MAP7D3: variants seen among roughly 807,000 people sequenced by gnomAD.
MAP7D3 encodes the protein MAP7 domain-containing protein 3.
MAP7D3 carries 45 observed loss-of-function variants against 62.2 expected under a neutral mutation model. The ratio of observed to expected loss-of-function variants is 0.72; its 90% confidence interval spans 0.57 to 0.93. MAP7D3 has a LOEUF of 0.93. MAP7D3 is among the 40% of genes least tolerant of loss of function. MAP7D3 has a pLI of 0.00. For missense variants in MAP7D3, 711 were observed against 683.1 expected, an observed-to-expected ratio of 1.04 and a Z score of -0.45; for synonymous variants, 288 against 248.8, an observed-to-expected ratio of 1.16 and a Z score of -1.48.
chrX:136,246,095 G>A lies in MAP7D3; in HGVS notation c.223C>T (p.Arg75Cys), dbSNP rs750357677. ...TGCTGTCTCCTTTTCTCCTCTCTGC[G>A]CTCTCTTGCTAATCTTTGTTTTATG... ...NDIKQRLARE[R>C]REEKRRQQDA... Residue 75 changes from arginine to cysteine, a missense_variant, in exon 3 of 19, where the codon CGC becomes TGC. Coordinates refer to ENST00000316077, the MANE Select transcript of MAP7D3 (RefSeq NM_024597.4). The A allele has an allele frequency of 7.5e-6, 9 of 1,201,153 alleles. No individual in the cohort carries two copies. The highest frequency in any genetic ancestry group is 5.9e-5 in the East Asian group (2 of 33,752).
In MAP7D3 at chrX:136,240,450, T is replaced by C. The variant is rs779952877; in HGVS notation, c.572A>G (p.Gln191Arg). Residue 191 changes from glutamine to arginine, a missense_variant, in exon 6 of 19, where the codon CAG becomes CGG. Gln to Arg is a conservative substitution (Grantham distance 43). Coordinates refer to ENST00000316077, the MANE Select transcript of MAP7D3 (RefSeq NM_024597.4). ...KRSASTEKLEQGTSALIRQMP... is the reference protein window; with the variant it reads ...KRSASTEKLERGTSALIRQMP... ...TTGTCTGATTAAAGCAGAAGTACCC[T>C]GTTCAAGTTTTTCAGTAGATGCAGA... The C allele has an allele frequency of 8.3e-7, 1 of 1,202,224 alleles. No individual in the cohort carries two copies. Among genetic ancestry groups the C allele is most frequent in the Non-Finnish European group, 1.1e-6 (1 of 886,964 alleles).
chrX:136,251,182 G>T (rs889739054), intron 1 of MAP7D3, 107 bp downstream of exon 1: 2 of 677,821 alleles, frequency 3.0e-6, no homozygotes, highest in Non-Finnish European at 4.2e-6. Flanking sequence ...CGACTCCAGG[G>T]AAAAGTTTTG....
chrX:136,242,996 G>A (rs953416972), intron 4 of MAP7D3, among the ~76,000 whole-genome samples: 2 of 111,458 alleles, frequency 1.8e-5, no homozygotes, highest in African/African-American at 6.5e-5. Context: ...CAGAAAGGGA[G>A]AGATATAGTA....
chrX:136,255,124 G>C (rs1376316037), upstream of MAP7D3, among the ~76,000 whole-genome samples: 1 of 112,323 alleles, frequency 8.9e-6, no homozygotes, highest in Non-Finnish European at 1.9e-5. Context: ...GCGGAGGCAG[G>C]AGGATCACTT....
In MAP7D3 at chrX:136,251,154, G is replaced by A. The variant is rs2074504089; in HGVS notation, c.70+135C>T. On this transcript the variant is annotated intron_variant, in intron 1 of 18. Coordinates refer to ENST00000316077, the MANE Select transcript of MAP7D3 (RefSeq NM_024597.4). ...GGGCACTCCGGCGGGGGTGAGGGGA[G>A]GACCAGATAGCACGAGGCGACTCCA... 5 of 479,385 alleles carry A rather than the reference G, an allele frequency of 1.0e-5. No individual in the cohort carries two copies. The East Asian group carries it at 1.9e-4, about 18-fold the overall frequency. The allele number at this position is 479,385 out of a possible 1,213,427, so 39.5% of individuals were successfully genotyped here. A position where few individuals can be genotyped will look rare whatever the true frequency, so the allele number is the denominator to read the frequency against.
Position 136,231,730 on chromosome X carries a change from G to A in MAP7D3, c.1227C>T (p.Ala409=). 1 of 1,209,628 alleles carries A rather than the reference G, an allele frequency of 8.3e-7. No homozygotes were observed. Among genetic ancestry groups the A allele is most frequent in the Non-Finnish European group, 1.1e-6 (1 of 894,457 alleles). ...GAGGTGCTTCCAGGCTCCCCTCTGG[G>A]GCTGCTTCCACGCTCACCTCTGGCA... The part of the protein sequence containing the change: ...EALPEVSVEA[A]PEGSLEAPPK... Residue 409 remains alanine (A), a synonymous_variant, in exon 8 of 19, where the codon GCC becomes GCT. Transcript: ENST00000316077.
upstream of MAP7D3, among the ~76,000 whole-genome samples, chrX:136,255,242 A>G: frequency 8.9e-6 from 1 of 112,477 alleles, no homozygotes; most frequent in Non-Finnish European, 1.9e-5. Flanking sequence ...AAAAAAAGCA[A>G]ATAAAAAAAG....
chrX:136,224,859 G>A lies in MAP7D3; in HGVS notation c.2161C>T (p.Arg721Trp), dbSNP rs767040493. The A allele has an allele frequency of 1.6e-5, 19 of 1,169,670 alleles. No homozygotes were observed. Among genetic ancestry groups the A allele is most frequent in the Admixed American group, 8.8e-5 (4 of 45,633 alleles). ...GCATTCACATCTGTCTTTCTTGTCC[G>A]CTTCATAATTTCTTCTATTCTCTAT... Reference protein sequence around the residue: ...RKKRIEEIMKRTRKTDVNASK... With the variant: ...RKKRIEEIMKWTRKTDVNASK... The change falls in exon 14 of 19, where the codon CGG becomes TGG. Residue 721 changes from arginine to tryptophan, a missense_variant. By Grantham distance (101) the Arg-to-Trp change is moderately radical. Coordinates refer to ENST00000316077, the MANE Select transcript of MAP7D3 (RefSeq NM_024597.4).
chrX:136,236,418 C>T (rs964578169), intron 6 of MAP7D3, 79 bp from the exon 7 acceptor site: 6 of 516,512 alleles, frequency 1.2e-5, no homozygotes, highest in Admixed American at 3.4e-5. Flanking sequence ...CTTTTTCAAA[C>T]ATTTTTTATG....
intron 6 of MAP7D3, among the ~76,000 whole-genome samples, chrX:136,237,811 G>T (rs1475893141): frequency 3.6e-5 from 4 of 110,011 alleles, no homozygotes; most frequent in Non-Finnish European, 5.7e-5. Context: ...TGCCATGTTG[G>T]TGTGCTGCAC....
At chrX:136,251,748 C>T (rs986338944), upstream of MAP7D3, among the ~76,000 whole-genome samples, 1 of 111,300 alleles carries the variant, frequency 9.0e-6, no homozygotes, top group Non-Finnish European at 1.9e-5. Flanking sequence ...TACGGCGTGC[C>T]TCCTGGGTGC....
chrX:136,247,242 G>A (rs1337091234), intron 1 of MAP7D3, among the ~76,000 whole-genome samples: 1 of 112,181 alleles, frequency 8.9e-6, no homozygotes, highest in Non-Finnish European at 1.9e-5. Context: ...AGTTATTATA[G>A]GGGAATCCCT....
At position 136,251,367 on chromosome X, in the gene MAP7D3, G is replaced by C. The variant is rs1170128782; in HGVS notation, c.-9C>G. On this transcript the variant is annotated 5_prime_UTR_variant, in exon 1 of 19. Transcript: ENST00000316077. The stretch of plus-strand genomic sequence containing the variant: ...GCGCCGTCCGCCATCATCGGAGTCG[G>C]GACCGGAGGCGGTGGTGGCTCTCCG... The C allele has an allele frequency of 8.1e-6, 9 of 1,111,321 alleles. No homozygotes were observed. The East Asian group carries it at 2.7e-4, about 33-fold the overall frequency. 91.6% of individuals were successfully genotyped at this position (1,111,321 alleles called of 1,213,427 possible).
chrX:136,240,505 C>A lies in MAP7D3; in HGVS notation c.536-19G>T, dbSNP rs2074377455. On this transcript the variant is annotated intron_variant, in intron 5 of 18. Coordinates refer to ENST00000316077, the MANE Select transcript of MAP7D3 (RefSeq NM_024597.4). The stretch of plus-strand genomic sequence containing the variant: ...TTATTGGCTGAGAAAAGACATAATA[C>A]TTACTGTAATCATATTTCAAGGAGG... 1 of 975,672 alleles carries A rather than the reference C, an allele frequency of 1.0e-6. No homozygotes were observed. Among genetic ancestry groups the A allele is most frequent in the Non-Finnish European group, 1.5e-6 (1 of 686,455 alleles). 80.4% of individuals were successfully genotyped at this position (975,672 alleles called of 1,213,427 possible). A position where few individuals can be genotyped will look rare whatever the true frequency, so the allele number is the denominator to read the frequency against.
upstream of MAP7D3, among the ~76,000 whole-genome samples, chrX:136,253,153 C>A (rs1311745671): frequency 1.8e-5 from 2 of 112,166 alleles, no homozygotes; most frequent in African/African-American, 3.2e-5. Context: ...ACTCCCGAAG[C>A]TCTGCTTCTA....
At chrX:136,230,996 A>G in intron 8 of MAP7D3, 30 bp from the exon 9 acceptor site, 1 of 1,084,820 alleles carries the variant, frequency 9.2e-7, no homozygotes, top group Non-Finnish European at 1.2e-6. Flanking sequence ...ATGGTAAATT[A>G]CTAACAAACA....
At chrX:136,242,831 T>G (rs1425689742) in intron 4 of MAP7D3, among the ~76,000 whole-genome samples, 1 of 112,097 alleles carries the variant, frequency 8.9e-6, no homozygotes, top group Non-Finnish European at 1.9e-5. Context: ...ACTTAGTTCA[T>G]TCTCTCTCTT....
At chrX:136,216,059 T>TA (rs1009472687), downstream of MAP7D3, among the ~76,000 whole-genome samples, 1 of 110,374 alleles carries the variant, frequency 9.1e-6, no homozygotes, top group African/African-American at 3.3e-5. Context: ...TTATTGGGAT[T>TA]AAAAAAAGCA....
At chrX:136,244,982 C>CTGAG (rs2074431436) in intron 3 of MAP7D3, among the ~76,000 whole-genome samples, 187 bp from the exon 4 acceptor site, 1 of 112,324 alleles carries the variant, frequency 8.9e-6, no homozygotes, top group Non-Finnish European at 1.9e-5. Context: ...ACCATTTTCA[C>CTGAG]TGAGTATTCA....
Sources: allele counts gnomAD v4.1 joint callset (sites outside exome capture counted in the v4.1 genomes callset), GRCh38; gene constraint gnomAD v4.1.1; transcripts MANE v1.5; gene names NCBI Gene and HGNC (gene_info 2026-07-23, HGNC 2026-07-21).